Variants in ACACB observed in about 807,000 individuals in gnomAD.
ACACB encodes the protein acetyl-CoA carboxylase 2.
In ACACB, 209 loss-of-function variants were observed where a neutral mutation model predicts 278.8. That is an observed-to-expected ratio of 0.75 (90% CI 0.67 to 0.84). The LOEUF is 0.84. Ranked by LOEUF, ACACB falls within the 40% of genes least tolerant of loss-of-function variation. The pLI, the probability that ACACB is intolerant of heterozygous loss-of-function variation, is 0.00. For synonymous variants in ACACB, 1,174 were observed against 1,285.6 expected, an observed-to-expected ratio of 0.91 and a Z score of 1.86; for missense variants, 2,850 against 3,269.0, an observed-to-expected ratio of 0.87 and a Z score of 3.13.
At chr12:109,190,435 G>A (rs1419456356) in intron 13 of ACACB, among the ~76,000 whole-genome samples, 1 of 152,202 alleles carries the variant, frequency 6.6e-6, no homozygotes, top group East Asian at 1.9e-4. Context: ...TGGAGTCTGT[G>A]TGTTGGGGAG....
At position 109,242,563 on chromosome 12, in the gene ACACB, A is replaced by G. The variant is rs775712406; in HGVS notation, c.5149A>G (p.Ile1717Val). 4 of 1,614,048 alleles carry G rather than the reference A, an allele frequency of 2.5e-6. No homozygotes were observed. The highest frequency in any genetic ancestry group is 2.7e-5 in the African/African-American group (2 of 75,040). ...FQAQTLGTTYIYDFPEMFRQA... is the reference protein window; with the variant it reads ...FQAQTLGTTYVYDFPEMFRQA... The stretch of plus-strand genomic sequence containing the variant: ...GGCCCAGACCCTGGGAACCACCTAC[A>G]TCTATGACTTCCCGGAAATGTTCAG... The change falls in exon 37 of 53, where the codon ATC becomes GTC. Residue 1717 changes from isoleucine (I) to valine (V), a missense_variant. Around this residue, in one of 3 missense-constraint regions of ACACB, gnomAD observed 2,265 missense variants for 2,561.3 expected, o/e 0.88. Transcript: ENST00000338432.
At chr12:109,194,007 A>G (rs2044997971) in intron 16 of ACACB, among the ~76,000 whole-genome samples, 1 of 152,136 alleles carries the variant, frequency 6.6e-6, no homozygotes, top group South Asian at 2.1e-4. Flanking sequence ...ACCAACAAAA[A>G]TTTATTGTGT....
At chr12:109,227,538 G>T in intron 28 of ACACB, 49 bp downstream of exon 28, 1 of 1,561,336 alleles carries the variant, frequency 6.4e-7, no homozygotes, top group South Asian at 1.1e-5. Flanking sequence ...TGTTCTTCCT[G>T]ACCTCTGTCG....
intron 4 of ACACB, 25 bp from the exon 5 acceptor site, chr12:109,171,780 C>G: frequency 6.3e-7 from 1 of 1,575,046 alleles, no homozygotes; most frequent in Non-Finnish European, 8.7e-7. Context: ...GCAGTTCCTT[C>G]CTTCTCCCTC....
intron 13 of ACACB, chr12:109,191,360 T>A (rs2044873250): frequency 2.8e-6 from 1 of 360,410 alleles, no homozygotes; most frequent in African/African-American, 2.1e-5. Context: ...ATTACAGGCG[T>A]CCTCCACCAT....
chr12:109,254,220 C>G lies in ACACB; in HGVS notation c.6052C>G (p.His2018Asp). 1 of 1,613,760 alleles carries G rather than the reference C, an allele frequency of 6.2e-7. No homozygotes were observed. The highest frequency in any genetic ancestry group is 8.5e-7 in the Non-Finnish European group (1 of 1,179,840). ...ACTTGGCTTTCTTTTTTAGGATAAT[C>G]ACAGCCCTGTCCCTATCATCACACC... The part of the protein sequence containing the change: ...EWLSYMPKDN[H>D]SPVPIITPTD... Residue 2018 changes from histidine to aspartate, a missense_variant, in exon 44 of 53, where the codon CAC becomes GAC. Physicochemically the swap from His to Asp is moderately conservative, Grantham distance 81. Coordinates refer to ENST00000338432, the MANE Select transcript of ACACB (RefSeq NM_001093.4).
chr12:109,191,969 C>A lies in ACACB; in HGVS notation c.2399+19C>A. The A allele has an allele frequency of 6.2e-7, 1 of 1,612,308 alleles. No individual in the cohort carries two copies. The highest frequency in any genetic ancestry group is 1.1e-5 in the South Asian group (1 of 91,002). On this transcript the variant is annotated intron_variant, in intron 15 of 52. Coordinates refer to ENST00000338432, the MANE Select transcript of ACACB (RefSeq NM_001093.4). ...TGGAAAGGTAGGGGCTGTGGCAGTT[C>A]CCTTCTGCTTTTGTGATATGTGTTA...
chr12:109,114,361 C>G (rs979432168), upstream of ACACB, among the ~76,000 whole-genome samples: 42 of 151,962 alleles, frequency 2.8e-4, no homozygotes, highest in Non-Finnish European at 7.4e-5. Flanking sequence ...AGGTAGGGAG[C>G]CTTCCAACAA....
At chr12:109,206,942 A>G (rs1342809889) in intron 20 of ACACB, 86 bp downstream of exon 20, 22 of 1,452,658 alleles carry the variant, frequency 1.5e-5, no homozygotes, top group Non-Finnish European at 2.0e-5. Flanking sequence ...ATTATTGAGT[A>G]AGAAATGAGA....
rs1425900342 is a variant in ACACB, at chr12:109,206,824, T to C, written c.3028T>C (p.Phe1010Leu). 5 of 1,614,166 alleles carry C rather than the reference T, an allele frequency of 3.1e-6. No individual in the cohort carries two copies. Among genetic ancestry groups the C allele is most frequent in the Non-Finnish European group, 4.2e-6 (5 of 1,180,036 alleles). The change falls in exon 20 of 53, where the codon TTT (phenylalanine) becomes CTT (leucine). Residue 1010 changes from phenylalanine (F) to leucine (L), a missense_variant. By Grantham distance (22) the Phe-to-Leu change is conservative. Coordinates refer to ENST00000338432, the MANE Select transcript of ACACB (RefSeq NM_001093.4). The part of the protein sequence containing the change: ...LENLTNVMSG[F>L]CLPEPVFSIK... ...AAACCTCACCAACGTCATGAGTGGC[T>C]TTTGTCTGCCAGAGCCCGTTTTTAG...
intron 1 of ACACB, among the ~76,000 whole-genome samples, chr12:109,124,383 ATAAG>A (rs2042626306): frequency 6.6e-6 from 1 of 152,204 alleles, no homozygotes; most frequent in South Asian, 2.1e-4. Context: ...ATACCTATAA[ATAAG>A]TACTAGGTCA....
At position 109,166,688 on chromosome 12, in the gene ACACB, T is replaced by C. The variant is rs1034908966; in HGVS notation, c.654-173T>C. Among the ~76,000 whole-genome samples, 4 of 122,298 alleles carry C rather than the reference T, an allele frequency of 3.3e-5. 1 individual carries two copies. The South Asian group carries it at 1.1e-3, about 34-fold the overall frequency. The allele number at this position is 122,298 out of a possible 152,430, so 80.2% of individuals were successfully genotyped here. ...AAAAAAAAAAAAAAACCGAAGGTGC[T>C]TCCTGCCCTTGAGCCTCCTTGTAAA... On this transcript the variant is annotated intron_variant, in intron 2 of 52. Transcript: ENST00000338432.
intron 6 of ACACB, 130 bp downstream of exon 6, chr12:109,172,486 G>A (rs529156431): frequency 2.3e-5 from 18 of 790,934 alleles, no homozygotes; most frequent in African/African-American, 5.2e-5. Context: ...CACTTCTGTC[G>A]TGAGGAGTGA....
At chr12:109,122,498 A>G (rs1034590458) in intron 1 of ACACB, among the ~76,000 whole-genome samples, 4 of 147,812 alleles carry the variant, frequency 2.7e-5, no homozygotes, top group Non-Finnish European at 5.9e-5. Context: ...GCTTGAGCCC[A>G]GGAATTCAAG....
intron 24 of ACACB, among the ~76,000 whole-genome samples, chr12:109,217,722 C>T (rs996425796): frequency 1.3e-5 from 2 of 152,162 alleles, no homozygotes; most frequent in Admixed American, 1.3e-4. Context: ...ATTGCTTGAG[C>T]CTGGGATGTT....
At chr12:109,257,740 T>C (rs1308830977) in intron 45 of ACACB, among the ~76,000 whole-genome samples, 1 of 152,026 alleles carries the variant, frequency 6.6e-6, no homozygotes, top group Admixed American at 6.5e-5. Flanking sequence ...CTAGCCAGTT[T>C]TTTTATTTTT....
intron 24 of ACACB, among the ~76,000 whole-genome samples, chr12:109,219,188 A>G (rs543644212): frequency 3.9e-5 from 6 of 152,326 alleles, no homozygotes; most frequent in African/African-American, 1.2e-4. Flanking sequence ...ACTAGACAAT[A>G]GGTACATGAA....
chr12:109,134,316 G>A (rs1038378193), intron 1 of ACACB, among the ~76,000 whole-genome samples: 2 of 152,158 alleles, frequency 1.3e-5, no homozygotes, highest in Non-Finnish European at 2.9e-5. Flanking sequence ...GTGGACTGCC[G>A]AATTTCTAAA....
chr12:109,254,363 C>G, intron 44 of ACACB, 29 bp downstream of exon 44: 1 of 1,595,056 alleles, frequency 6.3e-7, no homozygotes, highest in Non-Finnish European at 8.5e-7. Context: ...TGCCTAGGAC[C>G]TGGTCTCGGG....
Sources: gnomAD v4.1 joint callset for allele counts (sites outside exome capture counted in the v4.1 genomes callset) on GRCh38, gnomAD v4.1.1 for gene constraint, gnomAD v4.1.1 regional missense constraint, MANE v1.5 for transcripts, NCBI Gene and HGNC (gene_info 2026-07-23, HGNC 2026-07-21) for gene names.